BRINP2: variants seen among roughly 807,000 people sequenced by gnomAD.
BRINP2 encodes the protein BMP/retinoic acid-inducible neural-specific protein 2.
Under a neutral mutation model 69.2 loss-of-function variants are expected in BRINP2, and 21 were observed. The ratio of observed to expected loss-of-function variants is 0.30; its 90% CI spans 0.22 to 0.44. The LOEUF is 0.44. BRINP2 is among the 20% of genes least tolerant of loss of function. The pLI is 1.00. For missense variants in BRINP2, 877 were observed against 986.0 expected (o/e 0.89, Z 1.48); for synonymous variants, 380 against 394.1 (o/e 0.96, Z 0.42).
intron 1 of BRINP2, among the ~76,000 whole-genome samples, chr1:177,213,372 C>T (rs557687654): frequency 1.4e-4 from 22 of 152,180 alleles, no homozygotes; most frequent in Non-Finnish European, 1.0e-4. Flanking sequence ...CAACCAGAAG[C>T]GTCTCTAGAT....
intron 5 of BRINP2, chr1:177,275,298 G>A: frequency 2.4e-5 from 11 of 454,818 alleles, no homozygotes; most frequent in South Asian, 1.7e-4. Flanking sequence ...GAGCAATTTA[G>A]TGCATTCTAT....
chr1:177,227,830 T>C (rs970965885), intron 1 of BRINP2, among the ~76,000 whole-genome samples: 1 of 152,232 alleles, frequency 6.6e-6, no homozygotes, highest in Non-Finnish European at 1.5e-5. Context: ...AGCTATCTAT[T>C]CTATTGCATT....
chr1:177,214,262 A>G (rs1020211249), intron 1 of BRINP2, among the ~76,000 whole-genome samples: 7 of 151,982 alleles, frequency 4.6e-5, no homozygotes, highest in Admixed American at 6.6e-5. Flanking sequence ...TGAAACCCCC[A>G]TCTCTGCTAA....
rs140092909 is a variant in BRINP2 at position 177,235,775 on chromosome 1, A to G, written c.269+5630A>G. Among the ~76,000 whole-genome samples the G allele has an allele frequency of 2.3e-3, 355 of 152,354 alleles. 1 individual carries two copies. The highest frequency in any genetic ancestry group is 8.2e-3 in the African/African-American group (339 of 41,586). On this transcript the variant is annotated intron_variant, in intron 2 of 7. Transcript: ENST00000361539. ...AATCCCAGTGATTTCCAAGGTGTGC[A>G]TTACAGCCACTGAGGTAGAGAAAGG...
chr1:177,254,537 G>A (rs12744134), intron 2 of BRINP2, among the ~76,000 whole-genome samples: 28,845 of 152,026 alleles, frequency 0.19, 3,111 homozygotes, highest in Non-Finnish European at 0.24. Flanking sequence ...CAAATCTGAG[G>A]CTACTTAAGT....
rs927597039 is a variant in BRINP2 at position 177,278,880 on chromosome 1, G to T, written c.1235+95G>T. 4.0e-6 allele frequency: 5 copies of T among 1,248,836 alleles called. No homozygotes were observed. The African/African-American group carries it at 4.5e-5, about 11-fold the overall frequency. The allele number at this position is 1,248,836 out of a possible 1,614,324, so 77.4% of individuals were successfully genotyped here. ...CCCTCTGTCCAATGTAGGGGATCAG[G>T]GAGTGGTGACTCACACATAGCCTTC... On this transcript the variant is annotated intron_variant, in intron 7 of 7. Transcript: ENST00000361539.
intron 1 of BRINP2, among the ~76,000 whole-genome samples, chr1:177,222,754 CA>C (rs1442828511): frequency 6.6e-6 from 1 of 151,450 alleles, no homozygotes; most frequent in Non-Finnish European, 1.5e-5. Flanking sequence ...GAACCTGAGG[CA>C]AAAGTGTTGG....
intron 2 of BRINP2, among the ~76,000 whole-genome samples, chr1:177,234,684 C>A (rs1649965117): frequency 6.6e-6 from 1 of 152,106 alleles, no homozygotes; most frequent in Non-Finnish European, 1.5e-5. Flanking sequence ...GAATGGAATT[C>A]CAAAATATTG....
At chr1:177,173,650 G>T (rs1363293315) in intron 1 of BRINP2, among the ~76,000 whole-genome samples, 2 of 152,172 alleles carry the variant, frequency 1.3e-5, no homozygotes, top group African/African-American at 4.8e-5. Flanking sequence ...TCTTCTACGT[G>T]CTCCTTTCTG....
intron 2 of BRINP2, among the ~76,000 whole-genome samples, chr1:177,246,287 CACAG>C (rs1287365978): frequency 1.3e-5 from 2 of 152,204 alleles, no homozygotes; most frequent in African/African-American, 2.4e-5. Flanking sequence ...GAACACAGGT[CACAG>C]ACAAAGGCAG....
At chr1:177,241,271 C>T (rs1427405513) in intron 2 of BRINP2, among the ~76,000 whole-genome samples, 1 of 152,140 alleles carries the variant, frequency 6.6e-6, no homozygotes, top group Non-Finnish European at 1.5e-5. Flanking sequence ...GCGCCCGGAC[C>T]ACTGAAGCCA....
chr1:177,176,512 CATTATTATTATTATTATTATT>C (rs3041971), intron 1 of BRINP2, among the ~76,000 whole-genome samples: 3 of 143,146 alleles, frequency 2.1e-5, no homozygotes, highest in Non-Finnish European at 4.6e-5. Context: ...AAGTGGCTGG[CATTATTATTATTATTATTATT>C]ATTATTATTA....
rs567595300 is a variant in BRINP2, at chr1:177,240,182, G to A, written c.269+10037G>A. Among the ~76,000 whole-genome samples, 6 of 152,302 alleles carry A rather than the reference G, an allele frequency of 3.9e-5. No homozygotes were observed. The South Asian group carries it at 1.0e-3, about 26-fold the overall frequency. On this transcript the variant is annotated intron_variant, in intron 2 of 7. Coordinates refer to ENST00000361539, the MANE Select transcript of BRINP2 (RefSeq NM_021165.4). The stretch of plus-strand genomic sequence containing the variant: ...TTGGGGACACACTGGTGACGAAGGA[G>A]GGATAGGAAGAAAGTCTCTTTGGGG...
chr1:177,200,455 GC>G (rs1648878679), intron 1 of BRINP2, among the ~76,000 whole-genome samples: 1 of 151,988 alleles, frequency 6.6e-6, no homozygotes, highest in African/African-American at 2.4e-5. Context: ...GCTCATCGCT[GC>G]CCATCTGACC....
Position 177,175,732 on chromosome 1 carries a change from T to G in BRINP2, c.-77+4000T>G, listed in dbSNP as rs1162086688. Among the ~76,000 whole-genome samples, 4 of 152,206 alleles carry G rather than the reference T, an allele frequency of 2.6e-5. No individual in the cohort carries two copies. In the East Asian group the frequency reaches 7.7e-4, roughly 29 times the overall value. ...TGTTTGCTTAGCCCTAGGAGTTTAT[T>G]CGGGGAACAGGTCTCAAAGGACATT... is the stretch of plus-strand genomic sequence containing the variant. On this transcript the variant is annotated intron_variant, in intron 1 of 7. Transcript: ENST00000361539.
intron 4 of BRINP2, among the ~76,000 whole-genome samples, chr1:177,265,889 G>C (rs1445847397): frequency 3.3e-5 from 5 of 152,092 alleles, no homozygotes; most frequent in African/African-American, 1.2e-4. Context: ...GGGAGGCCAA[G>C]GTGAGCGGAT....
At chr1:177,237,031 C>T (rs1393691219) in intron 2 of BRINP2, among the ~76,000 whole-genome samples, 1 of 152,020 alleles carries the variant, frequency 6.6e-6, no homozygotes, top group Non-Finnish European at 1.5e-5. Flanking sequence ...CCAAAAGCAA[C>T]TTCTTACATT....
chr1:177,227,155 G>C (rs1421916627), intron 1 of BRINP2, among the ~76,000 whole-genome samples: 1 of 152,138 alleles, frequency 6.6e-6, no homozygotes, highest in Non-Finnish European at 1.5e-5. Flanking sequence ...CATACTCAAG[G>C]GGAGGGGACC....
In BRINP2 at chr1:177,257,223, AAGAC is replaced by A; in HGVS notation, c.512_515del (p.Thr171ArgfsTer8). On this transcript the variant is annotated frameshift_variant, in exon 4 of 8. Transcript: ENST00000361539. LOFTEE classifies it high-confidence loss of function. ...TGTGGACAAGCAGAAACTGGGAAGAAAGACAGAGACAACAGGAGGTGCCTCTATA... is the reference window on the plus strand; with the variant it reads ...TGTGGACAAGCAGAAACTGGGAAGAAAGAGACAACAGGAGGTGCCTCTATA... 6.2e-7 allele frequency: 1 copy of A among 1,614,072 alleles called. No individual in the cohort carries two copies. The highest frequency in any genetic ancestry group is 8.5e-7 in the Non-Finnish European group (1 of 1,180,026).
Sources: allele counts gnomAD v4.1 joint callset (sites outside exome capture counted in the v4.1 genomes callset), GRCh38; gene constraint gnomAD v4.1.1; transcripts MANE v1.5; gene names NCBI Gene and HGNC (gene_info 2026-07-23, HGNC 2026-07-21).